Variants in UNC13B observed in about 807,000 individuals in gnomAD.
UNC13B encodes the protein unc-13 homolog B.
Under a neutral mutation model 211.0 loss-of-function variants are expected in UNC13B, and 144 were observed. The ratio of observed to expected loss-of-function variants is 0.68; its 90% confidence interval spans 0.60 to 0.78. UNC13B has a LOEUF of 0.78. UNC13B is among the 30% of genes least tolerant of loss of function. The probability of loss-of-function intolerance (pLI) is 0.00; values close to 1 mark genes in which losing one functional copy is unlikely to be tolerated. For synonymous variants in UNC13B, 709 were observed against 725.8 expected, an observed-to-expected ratio of 0.98 and a Z score of 0.37; for missense variants, 1,777 against 2,002.0, an observed-to-expected ratio of 0.89 and a Z score of 2.14.
chr9:35,386,434 T>C lies in UNC13B; in HGVS notation c.11094+141T>C, dbSNP rs1587747477. On this transcript the variant is annotated intron_variant, in intron 24 of 39. Transcript: ENST00000635942. ...TGAGTGAGTTGTGGAGTATGAACCA[T>C]GTGGACCATGTGAGATATGTGGATG... 3.4e-6 allele frequency: 4 copies of C among 1,159,786 alleles called. No individual in the cohort carries two copies. The East Asian group carries it at 7.6e-5, about 22-fold the overall frequency. 71.8% of individuals were successfully genotyped at this position (1,159,786 alleles called of 1,614,324 possible). A position where few individuals can be genotyped will look rare whatever the true frequency, so the allele number is the denominator to read the frequency against.
intron 39 of UNC13B, 70 bp from the exon 40 acceptor site, chr9:35,403,678 G>T (rs1292278019): frequency 2.1e-5 from 26 of 1,233,626 alleles, no homozygotes; most frequent in Non-Finnish European, 2.8e-5. Context: ...GGCCCGGGGG[G>T]ATGGCAGACT....
chr9:35,203,689 G>T (rs942801739), intron 1 of UNC13B, among the ~76,000 whole-genome samples: 2 of 152,232 alleles, frequency 1.3e-5, no homozygotes, highest in African/African-American at 2.4e-5. Flanking sequence ...GAGTATTCAA[G>T]ATGTGGCCTG....
At chr9:35,251,691 T>G (rs566556629) in intron 6 of UNC13B, among the ~76,000 whole-genome samples, 2 of 152,248 alleles carry the variant, frequency 1.3e-5, no homozygotes, top group East Asian at 3.9e-4. Flanking sequence ...CACAATGCCA[T>G]TATCACACTG....
rs550609194 is a variant in UNC13B, at chr9:35,225,522, T to C, written c.23-2493T>C. ...ATAACAATTCCTTCTTTTAATGTTA[T>C]GGAGTGGCTTTTTTAGGGAAAGACT... is the stretch of plus-strand genomic sequence containing the variant. On this transcript the variant is annotated intron_variant, in intron 1 of 39. Coordinates refer to ENST00000635942, the MANE Select transcript of UNC13B (RefSeq NM_001371189.2). Among the ~76,000 whole-genome samples the C allele has an allele frequency of 1.8e-4, 28 of 152,320 alleles. 1 individual carries two copies. Among genetic ancestry groups the C allele is most frequent in the South Asian group, 6.2e-4 (3 of 4,824 alleles).
chr9:35,179,515 G>A (rs1243951026), intron 1 of UNC13B, among the ~76,000 whole-genome samples: 5 of 152,168 alleles, frequency 3.3e-5, no homozygotes, highest in African/African-American at 1.2e-4. Flanking sequence ...TTCTGGCCAG[G>A]TGCAGTGGCT....
intron 11 of UNC13B, among the ~76,000 whole-genome samples, chr9:35,356,569 A>T (rs1833035210): frequency 1.3e-5 from 2 of 152,096 alleles, no homozygotes; most frequent in Non-Finnish European, 2.9e-5. Context: ...ACAGTTGATG[A>T]TCACTTTCCT....
At chr9:35,318,521 G>A (rs776419101) in intron 11 of UNC13B, among the ~76,000 whole-genome samples, 6 of 151,970 alleles carry the variant, frequency 3.9e-5, no homozygotes, top group Admixed American at 2.6e-4. Flanking sequence ...TTCTTTACCC[G>A]TTTTTATACA....
At chr9:35,272,176 G>A (rs1296301220) in intron 7 of UNC13B, among the ~76,000 whole-genome samples, 2 of 148,886 alleles carry the variant, frequency 1.3e-5, no homozygotes, top group South Asian at 2.1e-4. Flanking sequence ...ATATACATAT[G>A]TACGTAGAAA....
At chr9:35,241,390 AT>A (rs1194699699) in intron 5 of UNC13B, among the ~76,000 whole-genome samples, 1 of 152,008 alleles carries the variant, frequency 6.6e-6, no homozygotes, top group Non-Finnish European at 1.5e-5. Flanking sequence ...ATCTCTCTGT[AT>A]TTTTTTCTTC....
chr9:35,285,558 A>G (rs2131745130), intron 7 of UNC13B, among the ~76,000 whole-genome samples: 1 of 152,262 alleles, frequency 6.6e-6, no homozygotes, highest in South Asian at 2.1e-4. Flanking sequence ...ATCTCTACAG[A>G]AAACAAAAAT....
At chr9:35,209,356 G>A (rs372798476) in intron 1 of UNC13B, among the ~76,000 whole-genome samples, 132 of 151,034 alleles carry the variant, frequency 8.7e-4, no homozygotes, top group African/African-American at 3.0e-3. Flanking sequence ...GAGCTACCAC[G>A]CCCAGCCTCC....
intron 1 of UNC13B, among the ~76,000 whole-genome samples, chr9:35,181,881 G>A (rs900942382): frequency 4.6e-5 from 7 of 152,066 alleles, no homozygotes; most frequent in African/African-American, 7.2e-5. Context: ...AGATAGATCT[G>A]CCCACCAAAC....
At position 35,304,362 on chromosome 9, in the gene UNC13B, G is replaced by T. The variant is rs142668589; in HGVS notation, c.4958G>T (p.Arg1653Leu). ...CCACTAGATTTTTCAGGCTATAATC[G>T]TCAAAAGTTTAAAGGAGACTTTAGA... ...DQPLDFSGYN[R>L]QKFKGDFRSF... The change falls in exon 9 of 40, where the codon CGT (arginine) becomes CTT (leucine). Residue 1653 changes from arginine to leucine, a missense_variant. By Grantham distance (102) the Arg-to-Leu change is moderately radical. Coordinates refer to ENST00000635942, the MANE Select transcript of UNC13B (RefSeq NM_001371189.2). 5.0e-6 allele frequency: 2 copies of T among 398,440 alleles called. No individual in the cohort carries two copies. The highest frequency in any genetic ancestry group is 7.1e-5 in the East Asian group (2 of 28,064). The allele number at this position is 398,440 out of a possible 1,614,324, so 24.7% of individuals were successfully genotyped here. A position where few individuals can be genotyped will look rare whatever the true frequency, so the allele number is the denominator to read the frequency against.
At chr9:35,347,988 A>G (rs1185604228) in intron 11 of UNC13B, among the ~76,000 whole-genome samples, 1 of 152,192 alleles carries the variant, frequency 6.6e-6, no homozygotes, top group Non-Finnish European at 1.5e-5. Flanking sequence ...CTGTAATCCT[A>G]GCACTTTGGG....
intron 7 of UNC13B, among the ~76,000 whole-genome samples, chr9:35,273,027 C>G (rs1312957261): frequency 6.6e-6 from 1 of 152,166 alleles, no homozygotes; most frequent in Non-Finnish European, 1.5e-5. Context: ...GGTTTTCTTA[C>G]AGTATTGCCT....
intron 1 of UNC13B, among the ~76,000 whole-genome samples, chr9:35,197,004 C>CAA (rs1465487844): frequency 6.6e-6 from 1 of 152,200 alleles, no homozygotes; most frequent in East Asian, 1.9e-4. Context: ...CTCCTGTGCT[C>CAA]AAGCATTCCT....
At chr9:35,277,238 T>A (rs1018017439) in intron 7 of UNC13B, among the ~76,000 whole-genome samples, 2 of 152,182 alleles carry the variant, frequency 1.3e-5, no homozygotes, top group Non-Finnish European at 2.9e-5. Context: ...TAATTTGCAG[T>A]ATTTTCTGGA....
intron 11 of UNC13B, among the ~76,000 whole-genome samples, chr9:35,325,534 G>A (rs1423540633): frequency 6.6e-6 from 1 of 152,098 alleles, no homozygotes; most frequent in East Asian, 1.9e-4. Context: ...TCAGTGGCTT[G>A]ACAACAAATT....
chr9:35,321,616 C>G (rs950646812), intron 11 of UNC13B, among the ~76,000 whole-genome samples: 2 of 151,948 alleles, frequency 1.3e-5, no homozygotes, highest in Non-Finnish European at 2.9e-5. Flanking sequence ...GATTAAATTA[C>G]TGAGTTGAAG....
Sources: gnomAD v4.1 joint callset for allele counts (sites outside exome capture counted in the v4.1 genomes callset) on GRCh38, gnomAD v4.1.1 for gene constraint, MANE v1.5 for transcripts, NCBI Gene and HGNC (gene_info 2026-07-23, HGNC 2026-07-21) for gene names.